Variants in LRP6 observed in about 807,000 individuals in gnomAD.
LRP6 encodes the protein low-density lipoprotein receptor-related protein 6.
A neutral mutation model predicts 184.1 loss-of-function variants in LRP6; 43 were observed. The observed-to-expected ratio is 0.23, with a 90% CI of 0.18 to 0.30. The LOEUF is 0.30. LRP6 is among the 10% of genes least tolerant of loss of function. The pLI, the probability that LRP6 is intolerant of heterozygous loss-of-function variation, is 1.00. For missense variants in LRP6, 1,571 were observed against 2,005.3 expected, an observed-to-expected ratio of 0.78 and a Z score of 4.14; for synonymous variants, 719 against 684.9, an observed-to-expected ratio of 1.05 and a Z score of -0.78.
At chr12:12,140,603 A>ATC (rs759238761) in intron 15 of LRP6, among the ~76,000 whole-genome samples, 2 of 104,968 alleles carry the variant, frequency 1.9e-5, no homozygotes, top group Admixed American at 1.4e-4. Flanking sequence ...GATTTTAAAA[A>ATC]TCTTTTTTTT....
chr12:12,174,526 A>G (rs1186894111), intron 7 of LRP6, among the ~76,000 whole-genome samples: 1 of 152,252 alleles, frequency 6.6e-6, no homozygotes, highest in African/African-American at 2.4e-5. Context: ...TCTCAACAAT[A>G]GATTTATTAT....
intron 2 of LRP6, among the ~76,000 whole-genome samples, chr12:12,219,514 G>A (rs918050687): frequency 1.3e-5 from 2 of 151,978 alleles, no homozygotes; most frequent in Admixed American, 6.6e-5. Flanking sequence ...ACTGTCCTCC[G>A]CTTTTGTATC....
intron 1 of LRP6, among the ~76,000 whole-genome samples, chr12:12,258,825 C>T (rs1188627789): frequency 2.0e-5 from 3 of 152,136 alleles, no homozygotes; most frequent in Admixed American, 6.5e-5. Flanking sequence ...GACTCCTATC[C>T]CTTGCAGTCC....
chr12:12,244,226 G>A, intron 2 of LRP6, 36 bp downstream of exon 2: 1 of 1,611,008 alleles, frequency 6.2e-7, no homozygotes, highest in South Asian at 1.1e-5. Flanking sequence ...ACCGAAAGGA[G>A]GTATGATGAT....
chr12:12,155,221 G>T, intron 12 of LRP6: 2 of 670,488 alleles, frequency 3.0e-6, no homozygotes, highest in Non-Finnish European at 5.5e-6. Context: ...CAAACAAAAA[G>T]TCTTTCAGCC....
At chr12:12,163,221 G>A (rs1862783532) in intron 9 of LRP6, among the ~76,000 whole-genome samples, 1 of 152,016 alleles carries the variant, frequency 6.6e-6, no homozygotes, top group South Asian at 2.1e-4. Context: ...GGTGATCCAT[G>A]TGCCTCAGCC....
At position 12,244,497 on chromosome 12, in the gene LRP6, C is replaced by T. The variant is rs745883293; in HGVS notation, c.214G>A (p.Glu72Lys). Residue 72 changes from glutamate (E) to lysine (K), a missense_variant, in exon 2 of 23, where the codon GAA becomes AAA. This residue lies in a region of LRP6 where 640 missense variants were observed against 851.9 expected (regional missense o/e 0.75). Transcript: ENST00000261349. Reference sequence around the variant, plus strand: ...AATTCTGTTCGTTTAATGGCTTCTTCGCTGACATCACTCCAGTATATCAAG... The same window carrying T: ...AATTCTGTTCGTTTAATGGCTTCTTTGCTGACATCACTCCAGTATATCAAG... ...HGLIYWSDVS[E>K]EAIKRTEFNK... 14 of 1,614,042 alleles carry T rather than the reference C, an allele frequency of 8.7e-6. No homozygotes were observed. Among genetic ancestry groups the T allele is most frequent in the African/African-American group, 2.7e-5 (2 of 74,904 alleles).
intron 12 of LRP6, among the ~76,000 whole-genome samples, chr12:12,155,990 GA>G (rs970483863): frequency 1.1e-4 from 16 of 151,538 alleles, no homozygotes; most frequent in Admixed American, 9.2e-4. Flanking sequence ...GAAGAAAACA[GA>G]AAAAAAATTG....
chr12:12,220,339 C>A (rs1397305813), intron 2 of LRP6, among the ~76,000 whole-genome samples: 6 of 151,612 alleles, frequency 4.0e-5, no homozygotes. Flanking sequence ...GGAACACTGA[C>A]AACAGTTTTA....
At chr12:12,130,732 A>T (rs769984637) in intron 19 of LRP6, 51 bp downstream of exon 19, 1 of 1,149,396 alleles carries the variant, frequency 8.7e-7, no homozygotes, top group Non-Finnish European at 1.3e-6. Context: ...AAGAAAAAAA[A>T]TTGTTTAAAT....
intron 1 of LRP6, among the ~76,000 whole-genome samples, chr12:12,266,269 G>C (rs182665219): frequency 6.6e-6 from 1 of 152,258 alleles, no homozygotes; most frequent in Non-Finnish European, 1.5e-5. Flanking sequence ...GTGGGTGGCG[G>C]GGCTTCGATG....
chr12:12,218,467 A>C (rs1864404001), intron 2 of LRP6, among the ~76,000 whole-genome samples: 1 of 135,642 alleles, frequency 7.4e-6, no homozygotes, highest in Non-Finnish European at 1.6e-5. Context: ...ACAGACCAAG[A>C]CCCTCTCTCA....
At chr12:12,251,457 G>A (rs976819695) in intron 1 of LRP6, among the ~76,000 whole-genome samples, 15 of 151,112 alleles carry the variant, frequency 9.9e-5, no homozygotes, top group East Asian at 7.9e-4. Flanking sequence ...ACCACCTCCC[G>A]GGTTCATGCC....
At chr12:12,136,765 T>C (rs1296218773) in intron 16 of LRP6, among the ~76,000 whole-genome samples, 2 of 152,228 alleles carry the variant, frequency 1.3e-5, no homozygotes, top group African/African-American at 4.8e-5. Flanking sequence ...ATATACAGTC[T>C]ATGTAGCAGT....
In LRP6 at chr12:12,126,811, A is replaced by G; in HGVS notation, c.4192T>C (p.Leu1398=). The change falls in exon 20 of 23, where the codon TTG becomes CTG. Residue 1398 remains leucine (L), a synonymous_variant. Coordinates refer to ENST00000261349, the MANE Select transcript of LRP6 (RefSeq NM_002336.3). ...GTVYFICQRM[L]CPRMKGDGET... ...CCATCTCCCTTCATACGTGGACACA[A>G]CATCCTCTGGCAGATAAAGTATACA... 1.2e-6 allele frequency: 2 copies of G among 1,614,150 alleles called. No homozygotes were observed. Among genetic ancestry groups the G allele is most frequent in the Non-Finnish European group, 1.7e-6 (2 of 1,179,970 alleles).
chr12:12,176,759 C>G (rs1343413294), intron 7 of LRP6, among the ~76,000 whole-genome samples: 1 of 151,918 alleles, frequency 6.6e-6, no homozygotes, highest in Non-Finnish European at 1.5e-5. Context: ...CTATGTCTTA[C>G]CTTGCTATAT....
In LRP6 at chr12:12,158,896, T is replaced by C. The variant is rs1429694641; in HGVS notation, c.2724A>G (p.Pro908=). The change falls in exon 12 of 23, where the codon CCA becomes CCG. Residue 908 remains proline (P), a synonymous_variant. Transcript: ENST00000261349. ...GHCSHLCLAV[P]VGGFVCGCPA... is the part of the protein sequence containing the mutation. ...GGCATCCACAAACAAAACCCCCAAC[T>C]GGCACAGCCAAGCAGAGGTGGGAGC... The C allele has an allele frequency of 6.2e-7, 1 of 1,614,180 alleles. No individual in the cohort carries two copies. Among genetic ancestry groups the C allele is most frequent in the Non-Finnish European group, 8.5e-7 (1 of 1,180,024 alleles).
intron 1 of LRP6, among the ~76,000 whole-genome samples, chr12:12,254,215 G>A (rs963771235): frequency 9.9e-5 from 15 of 150,762 alleles, no homozygotes; most frequent in South Asian, 2.1e-4. Context: ...GAACACAAGC[G>A]TCTGATGGCA....
intron 19 of LRP6, among the ~76,000 whole-genome samples, chr12:12,128,637 G>A (rs1329415746): frequency 6.6e-6 from 1 of 152,164 alleles, no homozygotes; most frequent in African/African-American, 2.4e-5. Flanking sequence ...AAGTCATCTA[G>A]TATAAGATAA....
Sources: gnomAD v4.1 joint callset for allele counts (sites outside exome capture counted in the v4.1 genomes callset) on GRCh38, gnomAD v4.1.1 for gene constraint, gnomAD v4.1.1 regional missense constraint, MANE v1.5 for transcripts, NCBI Gene and HGNC (gene_info 2026-07-23, HGNC 2026-07-21) for gene names.